EXT1: variants seen among roughly 807,000 people sequenced by gnomAD.
EXT1 encodes the protein exostosin glycosyltransferase 1, also known as exostosin-1.
Under a neutral mutation model 82.5 loss-of-function variants are expected in EXT1, and 20 were observed. That is an observed-to-expected ratio of 0.24 (90% CI 0.17 to 0.35). The LOEUF (loss-of-function observed/expected upper bound fraction) is 0.35. EXT1 is among the 10% of genes least tolerant of loss of function. The pLI, the probability that EXT1 is intolerant of heterozygous loss-of-function variation, is 1.00. For missense variants in EXT1, 757 were observed against 936.5 expected (o/e 0.81, Z 2.50); for synonymous variants, 348 against 350.8 (o/e 0.99, Z 0.09).
chr8:117,854,317 C>T (rs960527641), intron 1 of EXT1, among the ~76,000 whole-genome samples: 8 of 152,120 alleles, frequency 5.3e-5, no homozygotes, highest in Admixed American at 2.0e-4. Flanking sequence ...CAGGGACCTC[C>T]GATGCAGCAA....
intron 1 of EXT1, among the ~76,000 whole-genome samples, chr8:118,093,188 C>G (rs17506273): frequency 0.013 from 1,902 of 150,080 alleles, 46 homozygotes; most frequent in African/African-American, 0.044. Flanking sequence ...CCCCCACCCC[C>G]CAAAAAAGCC....
intron 1 of EXT1, among the ~76,000 whole-genome samples, chr8:117,886,811 G>A (rs1306803322): frequency 2.0e-5 from 3 of 152,098 alleles, no homozygotes; most frequent in Non-Finnish European, 4.4e-5. Context: ...GTGCTTAAAT[G>A]GGCAAAATTA....
At position 117,795,530 on chromosome 8, in the gene EXT1, C is replaced by T. The variant is rs958549368; in HGVS notation, c.*4182G>A. 2 of 148,850 alleles carry T rather than the reference C, an allele frequency of 1.3e-5. No individual in the cohort carries two copies. The highest frequency in any genetic ancestry group is 1.3e-4 in the Admixed American group (2 of 14,886). The allele number at this position is 148,850 out of a possible 1,614,324, so 9.2% of individuals were successfully genotyped here. A position where few individuals can be genotyped will look rare whatever the true frequency, so the allele number is the denominator to read the frequency against. On this transcript the variant is annotated 3_prime_UTR_variant, in exon 11 of 11. Transcript: ENST00000378204. ...AAAAAAGGGGGGCCAGGCGCAGTGG[C>T]TTACACCTGTAATCTCAGCACTTTG...
At chr8:118,082,901 T>C (rs1817356944) in intron 1 of EXT1, among the ~76,000 whole-genome samples, 1 of 152,180 alleles carries the variant, frequency 6.6e-6, no homozygotes, top group African/African-American at 2.4e-5. Flanking sequence ...AGAATTAAGT[T>C]TGGAGCGAGG....
In EXT1 at chr8:117,822,322, C is replaced by T. The variant is rs17439721; in HGVS notation, c.1417+143G>A. On this transcript the variant is annotated intron_variant, in intron 5 of 10. Coordinates refer to ENST00000378204, the MANE Select transcript of EXT1 (RefSeq NM_000127.3). ...TGCTCTGTTTTTGAACTTGATATGT[C>T]ACTTATAACAAGGCTCTAGAAAAAG... The T allele has an allele frequency of 2.7e-3, 2,421 of 912,908 alleles. 7 individuals carry two copies. Among genetic ancestry groups the T allele is most frequent in the Non-Finnish European group, 3.6e-3 (2,132 of 589,704 alleles). 56.6% of individuals were successfully genotyped at this position (912,908 alleles called of 1,614,324 possible).
At chr8:117,883,089 T>C (rs1813089584) in intron 1 of EXT1, among the ~76,000 whole-genome samples, 1 of 151,890 alleles carries the variant, frequency 6.6e-6, no homozygotes, top group Non-Finnish European at 1.5e-5. Context: ...AATATCAAGG[T>C]TGAAAAAAAT....
intron 1 of EXT1, among the ~76,000 whole-genome samples, chr8:118,071,838 C>T (rs559185039): frequency 6.6e-6 from 1 of 152,100 alleles, no homozygotes; most frequent in Non-Finnish European, 1.5e-5. Flanking sequence ...AACAACAGCT[C>T]CCACTCTTTG....
intron 1 of EXT1, among the ~76,000 whole-genome samples, chr8:117,910,130 T>G (rs1413397154): frequency 2.0e-5 from 3 of 152,136 alleles, no homozygotes; most frequent in Admixed American, 6.6e-5. Flanking sequence ...AAGCATAACT[T>G]GCATTCCATT....
At chr8:117,971,848 A>T (rs778226494) in intron 1 of EXT1, among the ~76,000 whole-genome samples, 12 of 152,198 alleles carry the variant, frequency 7.9e-5, no homozygotes, top group Non-Finnish European at 1.2e-4. Context: ...GATCACCAAA[A>T]GTGCTGTTAA....
intron 1 of EXT1, among the ~76,000 whole-genome samples, chr8:117,996,934 G>C (rs1338351999): frequency 6.6e-6 from 1 of 152,136 alleles, no homozygotes; most frequent in Non-Finnish European, 1.5e-5. Context: ...GTACAGGCCA[G>C]CAGAGCACTA....
In EXT1 at chr8:117,858,867, A is replaced by T. The variant is rs1343851784; in HGVS notation, c.963-21666T>A. Among the ~76,000 whole-genome samples, 4 of 71,866 alleles carry T rather than the reference A, an allele frequency of 5.6e-5. No homozygotes were observed. In the South Asian group the frequency reaches 1.7e-3, roughly 31 times the overall value. The allele number at this position is 71,866 out of a possible 152,430, so 47.1% of individuals were successfully genotyped here. A position where few individuals can be genotyped will look rare whatever the true frequency, so the allele number is the denominator to read the frequency against. On this transcript the variant is annotated intron_variant, in intron 1 of 10. Coordinates refer to ENST00000378204, the MANE Select transcript of EXT1 (RefSeq NM_000127.3). ...AAGGAAAGAAAGAAAGAAAGAAAGA[A>T]AGAAAGAAAGAAAGAAAGAAAGAAA...
At chr8:118,011,140 A>G (rs1235469405) in intron 1 of EXT1, among the ~76,000 whole-genome samples, 1 of 152,138 alleles carries the variant, frequency 6.6e-6, no homozygotes, top group African/African-American at 2.4e-5. Context: ...TATGCAAACG[A>G]CACCTCCTCA....
intron 1 of EXT1, among the ~76,000 whole-genome samples, chr8:117,904,419 T>C (rs547153293): frequency 1.2e-3 from 189 of 152,354 alleles, no homozygotes; most frequent in African/African-American, 4.4e-3. Context: ...TACCATTTAC[T>C]AGATTGTATA....
At chr8:118,053,299 C>T (rs17431644) in intron 1 of EXT1, among the ~76,000 whole-genome samples, 1,959 of 152,222 alleles carry the variant, frequency 0.013, 27 homozygotes, top group Middle Eastern at 0.031. Flanking sequence ...GATGACCCTT[C>T]GGCCAATGTC....
rs561639680 is a variant in EXT1, at chr8:118,085,147, A to T, written c.962+24938T>A. On this transcript the variant is annotated intron_variant, in intron 1 of 10. Transcript: ENST00000378204. ...GGGTTAGGAAAAAGTGTTTAGAGAG[A>T]GGTGGGTAAATTCAACTTGGCTATC... 1.8e-3 allele frequency among the ~76,000 whole-genome samples: 270 copies of T among 152,300 alleles called. 1 individual carries two copies. The highest frequency in any genetic ancestry group is 6.2e-3 in the African/African-American group (256 of 41,566).
At chr8:118,033,185 G>C (rs1455840757) in intron 1 of EXT1, among the ~76,000 whole-genome samples, 1 of 152,178 alleles carries the variant, frequency 6.6e-6, no homozygotes, top group South Asian at 2.1e-4. Flanking sequence ...TGAGACCCCT[G>C]CTTTCAGAAG....
chr8:118,098,334 T>C (rs765215368), intron 1 of EXT1, among the ~76,000 whole-genome samples: 2 of 151,850 alleles, frequency 1.3e-5, no homozygotes, highest in Non-Finnish European at 2.9e-5. Context: ...GCCCCTCCCT[T>C]CTCCAAACCC....
chr8:118,096,427 G>A (rs1339273200), intron 1 of EXT1, among the ~76,000 whole-genome samples: 1 of 151,958 alleles, frequency 6.6e-6, no homozygotes, highest in Non-Finnish European at 1.5e-5. Context: ...TCGAGACCAT[G>A]CTGGCCAACA....
At chr8:118,046,997 G>T (rs1219661677) in intron 1 of EXT1, among the ~76,000 whole-genome samples, 1 of 152,176 alleles carries the variant, frequency 6.6e-6, no homozygotes, top group Admixed American at 6.5e-5. Flanking sequence ...TGGAGGAGGG[G>T]CAGGAACTAA....
Sources: gnomAD v4.1 joint callset for allele counts (sites outside exome capture counted in the v4.1 genomes callset) on GRCh38, gnomAD v4.1.1 for gene constraint, MANE v1.5 for transcripts, NCBI Gene and HGNC (gene_info 2026-07-23, HGNC 2026-07-21) for gene names.